PTPRT: variants seen among roughly 807,000 people sequenced by gnomAD.
PTPRT encodes the protein protein tyrosine phosphatase receptor type T.
A neutral mutation model predicts 176.8 loss-of-function variants in PTPRT; 56 were observed. The ratio of observed to expected loss-of-function variants is 0.32; its 90% confidence interval spans 0.26 to 0.40. The LOEUF is 0.40. PTPRT is among the 10% of genes least tolerant of loss of function. The probability of loss-of-function intolerance (pLI) is 1.00; values close to 1 mark genes in which losing one functional copy is unlikely to be tolerated. For synonymous variants in PTPRT, 783 were observed against 739.0 expected, an observed-to-expected ratio of 1.06 and a Z score of -0.96; for missense variants, 1,540 against 1,908.2, an observed-to-expected ratio of 0.81 and a Z score of 3.60.
chr20:42,757,174 G>A (rs1403663911), intron 5 of PTPRT, among the ~76,000 whole-genome samples: 3 of 151,934 alleles, frequency 2.0e-5, no homozygotes, highest in Admixed American at 1.3e-4. Context: ...GTGGTAAGAA[G>A]AGAGGAAAAA....
chr20:42,156,093 C>T (rs780077646), intron 17 of PTPRT, among the ~76,000 whole-genome samples: 5 of 152,174 alleles, frequency 3.3e-5, no homozygotes, highest in East Asian at 1.9e-4. Context: ...TTATGCTAGC[C>T]GCTCTGCCTG....
At chr20:43,060,895 G>A (rs1987427637) in intron 1 of PTPRT, among the ~76,000 whole-genome samples, 1 of 152,216 alleles carries the variant, frequency 6.6e-6, no homozygotes. Flanking sequence ...ATTTTGGTAA[G>A]ATTATAGGTG....
intron 11 of PTPRT, among the ~76,000 whole-genome samples, chr20:42,337,421 T>C (rs982299072): frequency 1.3e-5 from 2 of 152,194 alleles, no homozygotes; most frequent in Non-Finnish European, 2.9e-5. Flanking sequence ...TTTTCTCTAC[T>C]GAGAACAGGG....
intron 9 of PTPRT, among the ~76,000 whole-genome samples, chr20:42,406,993 A>C (rs539288954): frequency 2.0e-5 from 3 of 152,270 alleles, no homozygotes; most frequent in Non-Finnish European, 2.9e-5. Context: ...CATCTCCTTT[A>C]AGCAGATGTA....
chr20:42,070,405 C>T (rs1982273879), downstream of PTPRT, among the ~76,000 whole-genome samples: 1 of 151,798 alleles, frequency 6.6e-6, no homozygotes, highest in Admixed American at 6.6e-5. Context: ...CCAACAGACA[C>T]ATAAAGAGAG....
At chr20:42,671,779 A>G (rs189614354) in intron 7 of PTPRT, among the ~76,000 whole-genome samples, 59 of 152,320 alleles carry the variant, frequency 3.9e-4, no homozygotes, top group Admixed American at 3.4e-3. Context: ...TGATTAAACT[A>G]AGGAAAAGAA....
intron 7 of PTPRT, among the ~76,000 whole-genome samples, chr20:42,599,453 C>T (rs2073736778): frequency 6.6e-6 from 1 of 152,088 alleles, no homozygotes; most frequent in African/African-American, 2.4e-5. Context: ...ATGAAATGCC[C>T]CCTGCCTTAG....
chr20:42,310,153 G>T (rs1423960950), intron 12 of PTPRT, among the ~76,000 whole-genome samples: 4 of 152,126 alleles, frequency 2.6e-5, no homozygotes, highest in Non-Finnish European at 4.4e-5. Flanking sequence ...CTTAGGAAAG[G>T]TTCAAGACAC....
intron 1 of PTPRT, among the ~76,000 whole-genome samples, chr20:43,183,143 C>T (rs2015308232): frequency 6.6e-6 from 1 of 152,176 alleles, no homozygotes; most frequent in Non-Finnish European, 1.5e-5. Context: ...TAAACTTTTG[C>T]ATTTTTGCCA....
At chr20:42,997,228 G>A (rs1984273725) in intron 1 of PTPRT, among the ~76,000 whole-genome samples, 1 of 143,460 alleles carries the variant, frequency 7.0e-6, no homozygotes, top group Non-Finnish European at 1.5e-5. Context: ...ACACGGGCAG[G>A]CTCATTCTCC....
chr20:42,191,371 C>T (rs1437482813), intron 16 of PTPRT, among the ~76,000 whole-genome samples: 1 of 152,174 alleles, frequency 6.6e-6, no homozygotes, highest in Non-Finnish European at 1.5e-5. Context: ...TTAATTAAAA[C>T]ATGAGTGATA....
intron 1 of PTPRT, among the ~76,000 whole-genome samples, chr20:43,186,557 G>T (rs1409857550): frequency 6.6e-6 from 1 of 152,186 alleles, no homozygotes; most frequent in African/African-American, 2.4e-5. Flanking sequence ...ACGACTACAT[G>T]GAATACCATC....
downstream of PTPRT, among the ~76,000 whole-genome samples, chr20:42,070,533 T>C (rs1600438253): frequency 6.6e-6 from 1 of 151,964 alleles, no homozygotes; most frequent in Non-Finnish European, 1.5e-5. Context: ...GCACCCAAAA[T>C]AGCTTAGCTT....
At chr20:42,329,492 C>T (rs2057934874) in intron 11 of PTPRT, among the ~76,000 whole-genome samples, 1 of 140,872 alleles carries the variant, frequency 7.1e-6, no homozygotes, top group African/African-American at 2.7e-5. Flanking sequence ...CACACACACA[C>T]ACACACACAC....
chr20:42,987,693 C>T (rs189471062), intron 1 of PTPRT, among the ~76,000 whole-genome samples: 3 of 152,038 alleles, frequency 2.0e-5, no homozygotes, highest in Non-Finnish European at 2.9e-5. Context: ...TCAGGAGTCA[C>T]TGCAAACTTT....
At chr20:42,927,277 G>T (rs778294345) in intron 1 of PTPRT, among the ~76,000 whole-genome samples, 1 of 152,136 alleles carries the variant, frequency 6.6e-6, no homozygotes, top group Non-Finnish European at 1.5e-5. Context: ...TAGAAAAAAG[G>T]GGGGCTGGGT....
chr20:42,893,819 C>T (rs2079241256), intron 1 of PTPRT, among the ~76,000 whole-genome samples: 1 of 150,380 alleles, frequency 6.6e-6, no homozygotes, highest in African/African-American at 2.5e-5. Flanking sequence ...AATGAGAACA[C>T]ATGGACACAG....
intron 1 of PTPRT, among the ~76,000 whole-genome samples, chr20:42,977,228 C>T (rs1022504542): frequency 2.6e-5 from 4 of 152,100 alleles, no homozygotes; most frequent in Non-Finnish European, 5.9e-5. Flanking sequence ...CACATTCTTT[C>T]CTATGTTCTA....
At chr20:42,646,428 C>A (rs2145951049) in intron 7 of PTPRT, among the ~76,000 whole-genome samples, 1 of 152,236 alleles carries the variant, frequency 6.6e-6, no homozygotes, top group African/African-American at 2.4e-5. Context: ...GTTATTGCAA[C>A]AGAGGTCGTC....
Sources: gnomAD v4.1 joint callset for allele counts (sites outside exome capture counted in the v4.1 genomes callset) on GRCh38, gnomAD v4.1.1 for gene constraint, MANE v1.5 for transcripts, NCBI Gene and HGNC (gene_info 2026-07-23, HGNC 2026-07-21) for gene names.